Variants in ANKFN1 observed in about 807,000 individuals in gnomAD.
ANKFN1 encodes the protein ankyrin repeat and fibronectin type-III domain-containing protein 1.
Under a neutral mutation model 108.7 loss-of-function variants are expected in ANKFN1, and 74 were observed. The ratio of observed to expected loss-of-function variants is 0.68; its 90% confidence interval spans 0.56 to 0.83. ANKFN1 has a LOEUF of 0.83. Among genes scored for constraint, ANKFN1 ranks in the 40% least tolerant of loss-of-function variants. The pLI, the probability that ANKFN1 is intolerant of heterozygous loss-of-function variation, is 0.00. For synonymous variants in ANKFN1, 547 were observed against 516.2 expected (o/e 1.06, Z -0.81); for missense variants, 1,505 against 1,382.3 (o/e 1.09, Z -1.41).
chr17:56,079,696 A>C (rs1487324628), intron 4 of ANKFN1, among the ~76,000 whole-genome samples: 2 of 152,228 alleles, frequency 1.3e-5, no homozygotes, highest in Non-Finnish European at 2.9e-5. Flanking sequence ...GCAGATAAAG[A>C]GTTTGGGGCC....
intron 15 of ANKFN1, among the ~76,000 whole-genome samples, chr17:56,474,788 A>G (rs529149911): frequency 1.3e-5 from 2 of 152,180 alleles, no homozygotes; most frequent in African/African-American, 4.8e-5. Context: ...CCTTGACTGA[A>G]TTTATTGTAG....
At chr17:56,098,027 T>C (rs541756050) in intron 4 of ANKFN1, among the ~76,000 whole-genome samples, 1 of 152,294 alleles carries the variant, frequency 6.6e-6, no homozygotes, top group African/African-American at 2.4e-5. Context: ...GATTCTTGGG[T>C]GGGCTCTAAA....
chr17:56,282,292 TTGTG>T (rs112336440), intron 3 of ANKFN1, among the ~76,000 whole-genome samples: 36 of 147,794 alleles, frequency 2.4e-4, no homozygotes, highest in South Asian at 1.1e-3. Context: ...GTGTGTGTGT[TTGTG>T]TGTGTGTGTG....
At position 56,318,510 on chromosome 17, in the gene ANKFN1, C is replaced by T. The variant is rs151334164; in HGVS notation, c.54-7711C>T. Among the ~76,000 whole-genome samples, 824 of 152,188 alleles carry T rather than the reference C, an allele frequency of 5.4e-3. 12 individuals carry two copies. The highest frequency in any genetic ancestry group is 0.019 in the African/African-American group (789 of 41,522). On this transcript the variant is annotated intron_variant, in intron 3 of 20. Coordinates refer to ENST00000682825, the MANE Select transcript of ANKFN1 (RefSeq NM_001370326.1). ...AGGGAAATTCAAAAATCAATGAGGC[C>T]CGGGTCCTGCCCTCATGGAGATTTC...
chr17:56,287,309 G>A (rs767356337), intron 3 of ANKFN1, among the ~76,000 whole-genome samples: 2 of 152,162 alleles, frequency 1.3e-5, no homozygotes, highest in African/African-American at 4.8e-5. Context: ...GATTGGACAA[G>A]CCTGGCTTTG....
At position 56,511,122 on chromosome 17, in the gene ANKFN1, C is replaced by A; in HGVS notation, c.3294C>A (p.Ala1098=). Residue 1098 remains alanine, a synonymous_variant, in exon 21 of 21, where the codon GCC becomes GCA. Coordinates refer to ENST00000682825, the MANE Select transcript of ANKFN1 (RefSeq NM_001370326.1). ...TCTACGTGGAGCCCTACGCAGCGGC[C>A]GTGGTGGCCCAGGACGAAAAACCAT... ...RRLYVEPYAA[A]VVAQDEKPWA... is the part of the protein sequence containing the mutation. 6.5e-7 allele frequency: 1 copy of A among 1,535,984 alleles called. No individual in the cohort carries two copies. Among genetic ancestry groups the A allele is most frequent in the Non-Finnish European group, 8.7e-7 (1 of 1,146,848 alleles).
rs534597455 is a variant in ANKFN1, at chr17:56,356,029, T to C, written c.601+1983T>C. Among the ~76,000 whole-genome samples the C allele has an allele frequency of 2.6e-5, 4 of 152,294 alleles. No individual in the cohort carries two copies. The South Asian group carries it at 8.3e-4, about 32-fold the overall frequency. ...ATTTGCCTGTTCTAGACATTTCATG[T>C]AACAGAATTATATAATATATGGTCT... On this transcript the variant is annotated intron_variant, in intron 6 of 20. Transcript: ENST00000682825.
chr17:56,435,493 G>T lies in ANKFN1; in HGVS notation c.911-4834G>T, dbSNP rs185473104. Among the ~76,000 whole-genome samples the T allele has an allele frequency of 2.2e-3, 342 of 152,316 alleles. 1 individual carries two copies. Among genetic ancestry groups the T allele is most frequent in the Non-Finnish European group, 4.2e-3 (286 of 68,032 alleles). On this transcript the variant is annotated intron_variant, in intron 8 of 20. Coordinates refer to ENST00000682825, the MANE Select transcript of ANKFN1 (RefSeq NM_001370326.1). The stretch of plus-strand genomic sequence containing the variant: ...AAGGAAAGGACTTTGAACCAGGACT[G>T]TTTGAATAAAAGGATAGAAGTTTTT...
At chr17:56,452,380 T>C (rs2145212687) in intron 11 of ANKFN1, among the ~76,000 whole-genome samples, 1 of 152,296 alleles carries the variant, frequency 6.6e-6, no homozygotes, top group South Asian at 2.1e-4. Flanking sequence ...GAAAAGTTAG[T>C]TTAGACTGAT....
chr17:56,459,323 C>G (rs976152534), intron 14 of ANKFN1, among the ~76,000 whole-genome samples: 5 of 152,234 alleles, frequency 3.3e-5, no homozygotes, highest in African/African-American at 1.2e-4. Context: ...GTAGGCCAGG[C>G]TGGTCTCGAA....
At chr17:56,484,434 G>A (rs2050798977) in intron 18 of ANKFN1, among the ~76,000 whole-genome samples, 1 of 152,160 alleles carries the variant, frequency 6.6e-6, no homozygotes, top group South Asian at 2.1e-4. Flanking sequence ...CTATTTAAAT[G>A]AGAAAGGGAG....
chr17:56,498,303 G>A (rs2051265530), intron 19 of ANKFN1, among the ~76,000 whole-genome samples: 1 of 152,072 alleles, frequency 6.6e-6, no homozygotes, highest in Non-Finnish European at 1.5e-5. Context: ...TATTCCAGTA[G>A]AGCTTTGCTT....
chr17:56,241,330 CT>C (rs1917563404), intron 3 of ANKFN1, among the ~76,000 whole-genome samples: 1 of 152,018 alleles, frequency 6.6e-6, no homozygotes, highest in East Asian at 1.9e-4. Flanking sequence ...ATTTTGTATG[CT>C]GTGAAGTAGG....
At chr17:56,438,770 G>C (rs1303369177) in intron 8 of ANKFN1, among the ~76,000 whole-genome samples, 1 of 152,150 alleles carries the variant, frequency 6.6e-6, no homozygotes, top group Admixed American at 6.5e-5. Context: ...CGAGCTCAAG[G>C]GGGAGGCTGG....
chr17:56,188,038 A>G (rs1388517832), intron 1 of ANKFN1, among the ~76,000 whole-genome samples: 1 of 152,188 alleles, frequency 6.6e-6, no homozygotes, highest in Non-Finnish European at 1.5e-5. Flanking sequence ...TATGTAACAA[A>G]CCTGCACGTT....
In ANKFN1 at chr17:56,466,389, T is replaced by G; in HGVS notation, c.1591T>G (p.Tyr531Asp). ...TGGGACACACAACTTGGGAAGAGTT[T>G]ACTATGAGCCCATTAAAGATCGACA... Reference protein sequence around the residue: ...LLGTHNLGRVYYEPIKDRHGN... With the variant: ...LLGTHNLGRVDYEPIKDRHGN... The change falls in exon 15 of 21, where the codon TAC (tyrosine) becomes GAC (aspartate). Residue 531 changes from tyrosine (Y) to aspartate (D), a missense_variant. Physicochemically the swap from Tyr to Asp is radical, Grantham distance 160. Transcript: ENST00000682825. 6.2e-7 allele frequency: 1 copy of G among 1,614,192 alleles called. No homozygotes were observed. Among genetic ancestry groups the G allele is most frequent in the Non-Finnish European group, 8.5e-7 (1 of 1,180,016 alleles).
rs769279402 is a variant in ANKFN1 at position 56,440,292 on chromosome 17, C to T, written c.911-35C>T. ...TGTGTGACTGAATTTTATTCTCCCTCTTTCTCTCTCTCCCTGCCCCCCTAC... is the reference window on the plus strand; with the variant it reads ...TGTGTGACTGAATTTTATTCTCCCTTTTTCTCTCTCTCCCTGCCCCCCTAC... On this transcript the variant is annotated intron_variant, in intron 8 of 20. Transcript: ENST00000682825. 2.9e-6 allele frequency: 4 copies of T among 1,386,798 alleles called. No homozygotes were observed. In the Admixed American group the frequency reaches 5.2e-5, roughly 18 times the overall value. 85.9% of individuals were successfully genotyped at this position (1,386,798 alleles called of 1,614,324 possible). A position where few individuals can be genotyped will look rare whatever the true frequency, so the allele number is the denominator to read the frequency against.
intron 3 of ANKFN1, among the ~76,000 whole-genome samples, chr17:56,283,407 C>T (rs1333034146): frequency 3.2e-4 from 49 of 151,984 alleles, no homozygotes; most frequent in Admixed American, 3.2e-3. Context: ...GAAAAGAAGT[C>T]ATTATACGAA....
chr17:56,245,367 C>T (rs1917885948), intron 3 of ANKFN1, among the ~76,000 whole-genome samples: 1 of 152,050 alleles, frequency 6.6e-6, no homozygotes. Flanking sequence ...GGCACCTCAA[C>T]AGAAGACAAC....
Sources: allele counts gnomAD v4.1 joint callset (sites outside exome capture counted in the v4.1 genomes callset), GRCh38; gene constraint gnomAD v4.1.1; transcripts MANE v1.5; gene names NCBI Gene and HGNC (gene_info 2026-07-23, HGNC 2026-07-21).